The following NAV2 variants were observed in gnomAD, a reference collection of about 807,000 sequenced individuals.
NAV2 encodes neuron navigator 2.
In NAV2, 54 loss-of-function variants were observed where a neutral mutation model predicts 223.2. That is an observed-to-expected ratio of 0.24 (90% confidence interval 0.19 to 0.30). The LOEUF (loss-of-function observed/expected upper bound fraction) is 0.30, where lower values mean the gene tolerates loss of function less well. NAV2 is among the 10% of genes least tolerant of loss of function. NAV2 has a pLI of 1.00. For synonymous variants in NAV2, 1,279 were observed against 1,239.3 expected, an observed-to-expected ratio of 1.03 and a Z score of -0.67; for missense variants, 2,806 against 3,147.5, an observed-to-expected ratio of 0.89 and a Z score of 2.60.
chr11:19,984,432 C>T (rs568336991), intron 11 of NAV2, among the ~76,000 whole-genome samples, 185 bp downstream of exon 11: 1 of 152,230 alleles, frequency 6.6e-6, no homozygotes, highest in South Asian at 2.1e-4. Flanking sequence ...GCCGAGGGTT[C>T]TTGAGTCCTG....
At chr11:19,445,804 A>G (rs1454002216) in intron 1 of NAV2, among the ~76,000 whole-genome samples, 1 of 149,370 alleles carries the variant, frequency 6.7e-6, no homozygotes, top group Non-Finnish European at 1.5e-5. Flanking sequence ...GAGGGAAGTT[A>G]CATGTGCCAG....
chr11:19,620,632 G>T (rs1431789237), intron 1 of NAV2, among the ~76,000 whole-genome samples: 2 of 152,192 alleles, frequency 1.3e-5, no homozygotes, highest in Non-Finnish European at 2.9e-5. Context: ...CTTTGCTGAA[G>T]TTGCTTATCA....
intron 11 of NAV2, among the ~76,000 whole-genome samples, chr11:20,017,606 G>A (rs939590051): frequency 6.6e-6 from 1 of 152,158 alleles, no homozygotes; most frequent in African/African-American, 2.4e-5. Flanking sequence ...CAGGACTGGG[G>A]CATTTCCTTT....
At chr11:19,492,232 C>T (rs544217128) in intron 1 of NAV2, among the ~76,000 whole-genome samples, 1 of 151,904 alleles carries the variant, frequency 6.6e-6, no homozygotes, top group East Asian at 1.9e-4. Flanking sequence ...GGAAAAATGG[C>T]ACCAGTGGAT....
At chr11:19,618,056 G>T (rs181753487) in intron 1 of NAV2, among the ~76,000 whole-genome samples, 3 of 152,114 alleles carry the variant, frequency 2.0e-5, no homozygotes, top group East Asian at 1.9e-4. Context: ...CACATACTCC[G>T]TAATTTACTT....
chr11:19,398,349 G>A (rs766990543), intron 1 of NAV2, among the ~76,000 whole-genome samples: 24 of 152,104 alleles, frequency 1.6e-4, no homozygotes, highest in South Asian at 2.1e-4. Flanking sequence ...GCATTCATGA[G>A]CAATCAACCC....
At chr11:19,979,303 A>G (rs1322946779) in intron 10 of NAV2, 1 of 152,232 alleles carries the variant, frequency 6.6e-6, no homozygotes, top group African/African-American at 2.4e-5. Context: ...AGAGCCTGTT[A>G]CTCATTAGTA....
chr11:19,439,461 A>G (rs972625123), intron 1 of NAV2, among the ~76,000 whole-genome samples: 1 of 152,198 alleles, frequency 6.6e-6, no homozygotes, highest in African/African-American at 2.4e-5. Context: ...GTCCTTAGAA[A>G]AAGGATATAG....
intron 1 of NAV2, chr11:19,351,176 G>C: frequency 1.3e-6 from 1 of 769,590 alleles, no homozygotes; most frequent in Non-Finnish European, 2.2e-6. Context: ...GCTATGTCTC[G>C]ATGCTGGGTG....
intron 5 of NAV2, among the ~76,000 whole-genome samples, chr11:19,885,907 T>A (rs538389016): frequency 6.6e-6 from 1 of 152,338 alleles, no homozygotes; most frequent in African/African-American, 2.4e-5. Flanking sequence ...CAGAGTTTAC[T>A]TTTCTTTTTT....
upstream of NAV2, among the ~76,000 whole-genome samples, chr11:19,349,918 C>A (rs1853209601): frequency 6.6e-6 from 1 of 152,088 alleles, no homozygotes; most frequent in Admixed American, 6.5e-5. Context: ...AGTTGCTTTT[C>A]GGCCCTGAGA....
intron 1 of NAV2, among the ~76,000 whole-genome samples, chr11:19,639,139 G>GGA (rs1278594564): frequency 2.0e-5 from 3 of 152,192 alleles, no homozygotes; most frequent in African/African-American, 7.2e-5. Context: ...TAGGGTTTCT[G>GGA]GAGGGTTCTC....
In NAV2 at chr11:19,713,464, T is replaced by A; in HGVS notation, c.-232T>A. ...GACCCGGCGGCAGCATCCGTCCAGG[T>A]GGGACCCGCTGAGCGCCGTGGCCAG... On this transcript the variant is annotated 5_prime_UTR_variant, in exon 1 of 38. Coordinates refer to ENST00000349880, the MANE Select transcript of NAV2 (RefSeq NM_145117.5). This position sits in a 1 kb window ranked among gnomAD's most constrained non-coding sequence, Gnocchi z 7.2. The A allele has an allele frequency of 7.5e-7, 1 of 1,334,482 alleles. No homozygotes were observed. The highest frequency in any genetic ancestry group is 9.5e-7 in the Non-Finnish European group (1 of 1,048,616). The allele number at this position is 1,334,482 out of a possible 1,614,324, so 82.7% of individuals were successfully genotyped here.
intron 20 of NAV2, among the ~76,000 whole-genome samples, chr11:20,065,258 C>G (rs1014308844): frequency 1.3e-5 from 2 of 152,176 alleles, no homozygotes; most frequent in Non-Finnish European, 2.9e-5. Context: ...GAAAAGAGAT[C>G]TTTGAAATGT....
chr11:19,664,604 G>C (rs540616709), intron 1 of NAV2, among the ~76,000 whole-genome samples: 10 of 152,172 alleles, frequency 6.6e-5, no homozygotes, highest in African/African-American at 2.2e-4. Flanking sequence ...CATCTATACA[G>C]CTTCCAGCAA....
At chr11:19,495,465 G>A (rs754830406) in intron 1 of NAV2, among the ~76,000 whole-genome samples, 2 of 152,218 alleles carry the variant, frequency 1.3e-5, no homozygotes, top group Non-Finnish European at 2.9e-5. Flanking sequence ...GCTGCCCAGA[G>A]GTGGTGACAC....
intron 3 of NAV2, among the ~76,000 whole-genome samples, chr11:19,861,890 C>T (rs2061815905): frequency 6.6e-6 from 1 of 152,222 alleles, no homozygotes; most frequent in Admixed American, 6.5e-5. Flanking sequence ...AATTTTTCCT[C>T]TCATAGGGTC....
rs147156061 is a variant in NAV2, at chr11:19,762,564, C to G, written c.267+48602C>G. Among the ~76,000 whole-genome samples the G allele has an allele frequency of 1.8e-3, 278 of 151,824 alleles. 2 individuals carry two copies. Among genetic ancestry groups the G allele is most frequent in the African/African-American group, 6.5e-3 (267 of 41,392 alleles). On this transcript the variant is annotated intron_variant, in intron 1 of 37. Coordinates refer to ENST00000349880, the MANE Select transcript of NAV2 (RefSeq NM_145117.5). ...TCTCCTCCATGAGCCTTGGCCTCAG[C>G]AACTACTTGGGTATCAGCATAGCTG...
intron 1 of NAV2, among the ~76,000 whole-genome samples, chr11:19,747,664 C>T (rs953790843): frequency 3.3e-5 from 5 of 152,080 alleles, no homozygotes; most frequent in Admixed American, 3.3e-4. Context: ...TGCTTTTGTC[C>T]CATTCCTGGC....
Sources: gnomAD v4.1 joint callset for allele counts (sites outside exome capture counted in the v4.1 genomes callset) on GRCh38, gnomAD v4.1.1 for gene constraint, Gnocchi (gnomAD v3.1) non-coding constraint, MANE v1.5 for transcripts, NCBI Gene and HGNC (gene_info 2026-07-23, HGNC 2026-07-21) for gene names.